The following CCDC33 variants were observed in gnomAD, a reference collection of about 807,000 sequenced individuals.
CCDC33 encodes coiled-coil domain-containing protein 33.
A neutral mutation model predicts 91.9 loss-of-function variants in CCDC33; 94 were observed. The observed-to-expected ratio is 1.02, with a 90% CI of 0.87 to 1.21. The LOEUF (loss-of-function observed/expected upper bound fraction) is 1.21. Ranked by LOEUF, CCDC33 falls within the 50% of genes most tolerant of loss-of-function variation. The pLI is 0.00. For synonymous variants in CCDC33, 396 were observed against 374.5 expected, an observed-to-expected ratio of 1.06 and a Z score of -0.66; for missense variants, 940 against 935.5, an observed-to-expected ratio of 1.00 and a Z score of -0.06.
chr15:74,283,182 A>C (rs893630586), intron 10 of CCDC33, among the ~76,000 whole-genome samples: 3 of 152,298 alleles, frequency 2.0e-5, no homozygotes, highest in African/African-American at 7.2e-5. Context: ...TCAAGGGTAG[A>C]AGCAACAAAC....
intron 2 of CCDC33, chr15:74,221,243 T>C (rs1036213533): frequency 3.8e-4 from 228 of 594,214 alleles, no homozygotes; most frequent in Middle Eastern, 7.9e-4. Context: ...TTTTTTTTTT[T>C]CACCAGAACT....
In CCDC33 at chr15:74,335,908, C is replaced by T. The variant is rs375516038; in HGVS notation, c.2140-17C>T. 1.4e-4 allele frequency: 217 copies of T among 1,606,958 alleles called. 3 individuals carry two copies. In the South Asian group the frequency reaches 1.9e-3, roughly 14 times the overall value. On this transcript the variant is annotated splice_polypyrimidine_tract_variant and intron_variant, in intron 18 of 18. Coordinates refer to ENST00000398814, the MANE Select transcript of CCDC33 (RefSeq NM_025055.5). The stretch of plus-strand genomic sequence containing the variant: ...GGGAATGGGGGGTACTCACGCACCC[C>T]GCTTTGCACACCACAGAGTGCCCTC...
At chr15:74,219,845 A>G (rs1333095137) in intron 2 of CCDC33, among the ~76,000 whole-genome samples, 2 of 152,186 alleles carry the variant, frequency 1.3e-5, no homozygotes, top group African/African-American at 4.8e-5. Flanking sequence ...GGACCATGAT[A>G]CACTGGCTAA....
chr15:74,220,640 G>A (rs1007770743), intron 2 of CCDC33, among the ~76,000 whole-genome samples: 1 of 152,142 alleles, frequency 6.6e-6, no homozygotes, highest in Non-Finnish European at 1.5e-5. Context: ...AGTCGAACTC[G>A]GCAGCTCTAA....
In CCDC33 at chr15:74,336,104, C is replaced by T. The variant is rs1273709446; in HGVS notation, c.*51C>T. 1 of 1,594,588 alleles carries T rather than the reference C, an allele frequency of 6.3e-7. No homozygotes were observed. The highest frequency in any genetic ancestry group is 8.5e-7 in the Non-Finnish European group (1 of 1,170,794). Reference sequence around the variant, plus strand: ...TGTGCTGGGGAGTCTCATCACCGCCCCCTAAAAATGACGTTATTAAATGTT... The same window carrying T: ...TGTGCTGGGGAGTCTCATCACCGCCTCCTAAAAATGACGTTATTAAATGTT... On this transcript the variant is annotated 3_prime_UTR_variant, in exon 19 of 19. Transcript: ENST00000398814.
chr15:74,238,301 G>A (rs576169048), intron 1 of CCDC33, among the ~76,000 whole-genome samples: 86 of 150,852 alleles, frequency 5.7e-4, no homozygotes, highest in African/African-American at 2.0e-3. Flanking sequence ...CCAGCTACTC[G>A]GGAGGCTGAG....
Position 74,218,388 on chromosome 15 carries a change from CAA to C in CCDC33, c.311-107_311-106del. On this transcript the variant is annotated intron_variant, in intron 1 of 2. Transcript: ENST00000635913. This position sits in a 1 kb window ranked among gnomAD's most constrained non-coding sequence, Gnocchi z 4.8. ...TAGCCAAGACTGCTTGGCTTTGACT[CAA>C]AGTCTGGGCAGCCCAGGTTTCCCCA... 2 of 1,136,326 alleles carry C rather than the reference CAA, an allele frequency of 1.8e-6. No homozygotes were observed. Among genetic ancestry groups the C allele is most frequent in the Non-Finnish European group, 2.2e-6 (2 of 889,710 alleles). 70.4% of individuals were successfully genotyped at this position (1,136,326 alleles called of 1,614,324 possible).
At chr15:74,326,643 G>A (rs1057272985) in intron 11 of CCDC33, among the ~76,000 whole-genome samples, 1 of 152,256 alleles carries the variant, frequency 6.6e-6, no homozygotes, top group Non-Finnish European at 1.5e-5. Context: ...GATGGGGAAA[G>A]CGCAGTGTCA....
intron 11 of CCDC33, among the ~76,000 whole-genome samples, chr15:74,327,105 C>G (rs1401732002): frequency 6.6e-6 from 1 of 152,016 alleles, no homozygotes; most frequent in Admixed American, 6.6e-5. Flanking sequence ...AAGCCAGGGC[C>G]GAGATCCCTC....
chr15:74,314,117 C>T lies in CCDC33; in HGVS notation c.1291-16072C>T, dbSNP rs530848247. Among the ~76,000 whole-genome samples the T allele has an allele frequency of 4.6e-5, 7 of 152,354 alleles. No homozygotes were observed. The East Asian group carries it at 1.2e-3, about 25-fold the overall frequency. On this transcript the variant is annotated intron_variant, in intron 11 of 18. Coordinates refer to ENST00000398814, the MANE Select transcript of CCDC33 (RefSeq NM_025055.5). ...TACTCATCCTTCAAAACCCATCTCC[C>T]GCTCTGACATACCCTCCAATACACC...
chr15:74,304,780 G>T (rs1490746860), intron 11 of CCDC33, among the ~76,000 whole-genome samples: 2 of 152,026 alleles, frequency 1.3e-5, no homozygotes. Context: ...GACCGACTTG[G>T]CCAGGTACCT....
chr15:74,330,035 T>C lies in CCDC33; in HGVS notation c.1291-154T>C, dbSNP rs187832576. 4.9e-3 allele frequency among the ~76,000 whole-genome samples: 744 copies of C among 152,216 alleles called. 7 individuals are homozygous for C. Among genetic ancestry groups the C allele is most frequent in the African/African-American group, 0.017 (707 of 41,560 alleles). On this transcript the variant is annotated intron_variant, in intron 11 of 18. Coordinates refer to ENST00000398814, the MANE Select transcript of CCDC33 (RefSeq NM_025055.5). Reference sequence around the variant, plus strand: ...GGTGAGGATCAAGTCATAACCACCCTTCCAGGGAGCTGCTAAGACTTAGGG... The same window carrying C: ...GGTGAGGATCAAGTCATAACCACCCCTCCAGGGAGCTGCTAAGACTTAGGG...
chr15:74,208,118 C>A, intron 1 of CCDC33: 1 of 1,089,080 alleles, frequency 9.2e-7, no homozygotes, highest in Non-Finnish European at 1.1e-6. Context: ...GGAGGGTAGC[C>A]GGCTGTGCCA....
chr15:74,331,492 C>A (rs60540990), intron 15 of CCDC33, among the ~76,000 whole-genome samples, 196 bp downstream of exon 15: 9,181 of 152,260 alleles, frequency 0.06, 392 homozygotes, highest in East Asian at 0.19. Context: ...ATCCCCTGAG[C>A]TCCCTCCTTC....
intron 11 of CCDC33, among the ~76,000 whole-genome samples, chr15:74,298,270 A>G (rs1048551456): frequency 4.5e-4 from 68 of 152,190 alleles, no homozygotes; most frequent in East Asian, 1.9e-4. Context: ...GATGATGATG[A>G]TGGTGGTGGT....
At chr15:74,285,722 G>A (rs1471987098) in intron 10 of CCDC33, among the ~76,000 whole-genome samples, 1 of 152,048 alleles carries the variant, frequency 6.6e-6, no homozygotes, top group African/African-American at 2.4e-5. Context: ...GTGGTTGGTT[G>A]GTGATGGGTT....
chr15:74,225,295 A>G (rs2074757036), intron 2 of CCDC33, among the ~76,000 whole-genome samples: 1 of 151,898 alleles, frequency 6.6e-6, no homozygotes. Context: ...CATCTCCAGA[A>G]ATTATCTTCA....
chr15:74,286,958 G>T (rs2059487497), intron 10 of CCDC33, among the ~76,000 whole-genome samples: 1 of 152,206 alleles, frequency 6.6e-6, no homozygotes, highest in Admixed American at 6.5e-5. Context: ...TACTCTGGTG[G>T]CTTCTTTTCA....
chr15:74,280,658 TC>T lies in CCDC33; in HGVS notation c.890-5del. ...TTTGGCAGGAGCCCTAGTTGATCCT[TC>T]CCCCACAGTGAAAGGCAGCCAGCCG... On this transcript the variant is annotated splice_polypyrimidine_tract_variant and intron_variant, in intron 8 of 18. Coordinates refer to ENST00000398814, the MANE Select transcript of CCDC33 (RefSeq NM_025055.5). 1 of 1,459,596 alleles carries T rather than the reference TC, an allele frequency of 6.9e-7. No homozygotes were observed. Among genetic ancestry groups the T allele is most frequent in the Non-Finnish European group, 9.1e-7 (1 of 1,100,788 alleles). 90.4% of individuals were successfully genotyped at this position (1,459,596 alleles called of 1,614,324 possible).
Sources: allele counts gnomAD v4.1 joint callset (sites outside exome capture counted in the v4.1 genomes callset), GRCh38; gene constraint gnomAD v4.1.1; non-coding constraint Gnocchi (gnomAD v3.1); transcripts MANE v1.5; gene names NCBI Gene and HGNC (gene_info 2026-07-23, HGNC 2026-07-21).